The following SCARA3 variants were observed in gnomAD, a reference collection of about 807,000 sequenced individuals.
The protein encoded by SCARA3 is scavenger receptor class A member 3, also known as cellular stress response gene protein.
In SCARA3, 39 loss-of-function variants were observed where a neutral mutation model predicts 47.0. That is an observed-to-expected ratio of 0.83 (90% CI 0.64 to 1.08). The LOEUF is 1.08. Among genes scored for constraint, SCARA3 ranks in the 50% least tolerant of loss-of-function variants. SCARA3 has a pLI of 0.00. For synonymous variants in SCARA3, 356 were observed against 334.1 expected (o/e 1.07, Z -0.71); for missense variants, 724 against 792.3 (o/e 0.91, Z 1.04).
At chr8:27,679,215 A>G (rs1802322802), downstream of SCARA3, among the ~76,000 whole-genome samples, 1 of 151,294 alleles carries the variant, frequency 6.6e-6, no homozygotes, top group Admixed American at 6.6e-5. Context: ...TTACTTACTT[A>G]CTAAGTAAGT....
At chr8:27,641,945 AG>A (rs1801391215) in intron 1 of SCARA3, among the ~76,000 whole-genome samples, 1 of 152,238 alleles carries the variant, frequency 6.6e-6, no homozygotes, top group Non-Finnish European at 1.5e-5. Flanking sequence ...CTCTGAACAT[AG>A]GTCCCAGAAT....
At position 27,649,893 on chromosome 8, in the gene SCARA3, G is replaced by A. The variant is rs890263082; in HGVS notation, c.106+93G>A. The A allele has an allele frequency of 2.7e-6, 3 of 1,128,114 alleles. No individual in the cohort carries two copies. In the African/African-American group the frequency reaches 4.6e-5, roughly 17 times the overall value. The allele number at this position is 1,128,114 out of a possible 1,614,324, so 69.9% of individuals were successfully genotyped here. Reference sequence around the variant, plus strand: ...CAGTGAGAGATTTGTCTCTTTAGGTGGTTTCAAAAGCCTGGGTGTCCTTTC... The same window carrying A: ...CAGTGAGAGATTTGTCTCTTTAGGTAGTTTCAAAAGCCTGGGTGTCCTTTC... On this transcript the variant is annotated intron_variant, in intron 2 of 5. Transcript: ENST00000301904.
At chr8:27,652,412 T>G (rs1355135540) in intron 3 of SCARA3, among the ~76,000 whole-genome samples, 1 of 152,200 alleles carries the variant, frequency 6.6e-6, no homozygotes, top group Non-Finnish European at 1.5e-5. Context: ...CTTCAAACTT[T>G]GAAAATCCGG....
chr8:27,678,334 A>G (rs1382760771), downstream of SCARA3, among the ~76,000 whole-genome samples: 1 of 152,244 alleles, frequency 6.6e-6, no homozygotes, highest in Non-Finnish European at 1.5e-5. Context: ...GATTACCAAG[A>G]GTGAGACCAT....
rs1175724393 is a variant in SCARA3, at chr8:27,671,594, AC to A, written c.*244del. ...TGCACACACATGCACACATACACGC[AC>A]ATGCACACATACACATGCATGCACA... On this transcript the variant is annotated 3_prime_UTR_variant, in exon 6 of 6. Transcript: ENST00000301904. 1 of 1,243,066 alleles carries A rather than the reference AC, an allele frequency of 8.0e-7. No individual in the cohort carries two copies. The highest frequency in any genetic ancestry group is 1.0e-6 in the Non-Finnish European group (1 of 996,204). The allele number at this position is 1,243,066 out of a possible 1,614,324, so 77.0% of individuals were successfully genotyped here.
chr8:27,676,732 A>C, downstream of SCARA3: 12 of 552,368 alleles, frequency 2.2e-5, no homozygotes, highest in South Asian at 9.7e-5. Flanking sequence ...GTGGTACATG[A>C]AAATAATTTA....
At chr8:27,719,057 T>C in the SCARA3 span, among the ~76,000 whole-genome samples, 1 of 152,150 alleles carries the variant, frequency 6.6e-6, no homozygotes, top group Non-Finnish European at 1.5e-5. Context: ...CTCTTCTATT[T>C]TGGGAGACTT....
chr8:27,676,551 G>T (rs752486185), downstream of SCARA3: 2 of 1,610,980 alleles, frequency 1.2e-6, no homozygotes, highest in South Asian at 2.2e-5. Context: ...ACATCTCAAT[G>T]TGTTTCATCT....
chr8:27,696,798 A>G, the SCARA3 span, among the ~76,000 whole-genome samples: 2 of 152,092 alleles, frequency 1.3e-5, no homozygotes, highest in Non-Finnish European at 2.9e-5. Flanking sequence ...TTTGTTTTAC[A>G]TATTTTATGA....
At chr8:27,660,063 C>T (rs1373292762) in intron 5 of SCARA3, among the ~76,000 whole-genome samples, 1 of 151,754 alleles carries the variant, frequency 6.6e-6, no homozygotes, top group Non-Finnish European at 1.5e-5. Flanking sequence ...TTTTTTACTC[C>T]CTTCCCACCC....
At chr8:27,679,042 G>C (rs1425186249), downstream of SCARA3, among the ~76,000 whole-genome samples, 1 of 152,010 alleles carries the variant, frequency 6.6e-6, no homozygotes, top group East Asian at 1.9e-4. Context: ...TTTGTGTCTA[G>C]CTTCTTTTCT....
At chr8:27,669,113 G>A (rs1394511245) in intron 5 of SCARA3, among the ~76,000 whole-genome samples, 2 of 152,090 alleles carry the variant, frequency 1.3e-5, no homozygotes, top group Admixed American at 6.5e-5. Flanking sequence ...AAGCCCTGGG[G>A]GAGAAGTGAG....
the SCARA3 span, among the ~76,000 whole-genome samples, chr8:27,695,673 C>T: frequency 1.1e-4 from 16 of 151,862 alleles, no homozygotes; most frequent in South Asian, 2.1e-4. Context: ...AGGGAATCTC[C>T]GCAGAGAATT....
chr8:27,635,511 T>G (rs2128913452), intron 1 of SCARA3, among the ~76,000 whole-genome samples: 1 of 152,302 alleles, frequency 6.6e-6, no homozygotes, highest in East Asian at 1.9e-4. Context: ...TGCAATGGCA[T>G]GATCATAGCT....
chr8:27,654,655 C>T (rs534396751), intron 3 of SCARA3, among the ~76,000 whole-genome samples: 1 of 150,074 alleles, frequency 6.7e-6, no homozygotes, highest in South Asian at 2.1e-4. Context: ...GTAGTCCTGG[C>T]GGCACATGCC....
downstream of SCARA3, among the ~76,000 whole-genome samples, chr8:27,673,482 T>C (rs1321530525): frequency 6.6e-6 from 1 of 152,236 alleles, no homozygotes; most frequent in Non-Finnish European, 1.5e-5. Context: ...CACAGCAGCC[T>C]CACTCACTGG....
chr8:27,634,214 G>T lies in SCARA3; in HGVS notation c.7+7G>T. 1.5e-6 allele frequency: 2 copies of T among 1,370,688 alleles called. No homozygotes were observed. Among genetic ancestry groups the T allele is most frequent in the Non-Finnish European group, 9.4e-7 (1 of 1,063,372 alleles). 84.9% of individuals were successfully genotyped at this position (1,370,688 alleles called of 1,614,324 possible). ...GAGGAAGAGACCATGAAAGGTAAGG[G>T]CGGCCTGTCGGGGGCAGCTCCGAGG... On this transcript the variant is annotated splice_region_variant and intron_variant, in intron 1 of 5. Coordinates refer to ENST00000301904, the MANE Select transcript of SCARA3 (RefSeq NM_016240.3).
At chr8:27,698,395 G>C in the SCARA3 span, among the ~76,000 whole-genome samples, 1 of 152,182 alleles carries the variant, frequency 6.6e-6, no homozygotes, top group Non-Finnish European at 1.5e-5. Context: ...ATGACAACAA[G>C]AGCACCAGGG....
rs1193447946 is a variant in SCARA3 at position 27,671,050 on chromosome 8, T to C, written c.1520T>C (p.Val507Ala). The change falls in exon 6 of 6, where the codon GTG becomes GCG. Residue 507 changes from valine to alanine, a missense_variant. Physicochemically the swap from Val to Ala is moderately conservative, Grantham distance 64 (BLOSUM62 0). Coordinates refer to ENST00000301904, the MANE Select transcript of SCARA3 (RefSeq NM_016240.3). ...PQGQPGEAGP[V>A]GERGPVGPRG... ...GGGCAACCTGGAGAGGCCGGGCCTG[T>C]GGGAGAAAGGGGCCCTGTTGGCCCT... The C allele has an allele frequency of 8.7e-6, 14 of 1,612,200 alleles. No homozygotes were observed. The highest frequency in any genetic ancestry group is 1.3e-5 in the African/African-American group (1 of 74,812).
Sources: gnomAD v4.1 joint callset for allele counts (sites outside exome capture counted in the v4.1 genomes callset) on GRCh38, gnomAD v4.1.1 for gene constraint, MANE v1.5 for transcripts, NCBI Gene and HGNC (gene_info 2026-07-23, HGNC 2026-07-21) for gene names.